The following MAP3K5 variants were observed in gnomAD, a reference collection of about 807,000 sequenced individuals.
MAP3K5 encodes the protein mitogen-activated protein kinase kinase kinase 5.
Under a neutral mutation model 158.7 loss-of-function variants are expected in MAP3K5, and 56 were observed. The observed-to-expected ratio is 0.35, with a 90% confidence interval of 0.28 to 0.44. The LOEUF is 0.44. Ranked by LOEUF, MAP3K5 falls within the 20% of genes least tolerant of loss-of-function variation. MAP3K5 has a pLI of 1.00. For missense variants in MAP3K5, 1,294 were observed against 1,674.8 expected (o/e 0.77, Z 3.97); for synonymous variants, 579 against 601.7 (o/e 0.96, Z 0.55).
At chr6:136,647,553 ATTC>A in intron 11 of MAP3K5, among the ~76,000 whole-genome samples, 1 of 152,172 alleles carries the variant, frequency 6.6e-6, no homozygotes, top group South Asian at 2.1e-4. Context: ...CATGTTTAAA[ATTC>A]TTCTTCCTAG....
chr6:136,764,661 C>A (rs749379232), intron 1 of MAP3K5, among the ~76,000 whole-genome samples: 3 of 152,128 alleles, frequency 2.0e-5, no homozygotes, highest in African/African-American at 2.4e-5. Flanking sequence ...TGTGGTTATG[C>A]CGCAACAGAA....
intron 2 of MAP3K5, among the ~76,000 whole-genome samples, chr6:136,708,533 G>C (rs1781172247): frequency 6.6e-6 from 1 of 152,138 alleles, no homozygotes; most frequent in South Asian, 2.1e-4. Flanking sequence ...TAGGATTACA[G>C]GTGTGAGCCA....
intron 3 of MAP3K5, among the ~76,000 whole-genome samples, chr6:136,703,898 T>G (rs1780959221): frequency 6.6e-6 from 1 of 152,232 alleles, no homozygotes; most frequent in Non-Finnish European, 1.5e-5. Flanking sequence ...TTATAATATA[T>G]TGTATATTAT....
intron 1 of MAP3K5, among the ~76,000 whole-genome samples, chr6:136,760,922 T>C (rs1350089550): frequency 6.6e-6 from 1 of 152,126 alleles, no homozygotes; most frequent in Non-Finnish European, 1.5e-5. Flanking sequence ...TGAGCTGAGA[T>C]TGCACCACTG....
At chr6:136,662,556 C>T (rs750243283) in intron 8 of MAP3K5, among the ~76,000 whole-genome samples, 69 of 151,864 alleles carry the variant, frequency 4.5e-4, no homozygotes, top group Non-Finnish European at 8.7e-4. Context: ...TCTCTCTCTT[C>T]CTTTCTCTCT....
intron 11 of MAP3K5, among the ~76,000 whole-genome samples, chr6:136,648,510 T>G (rs1357062658): frequency 1.3e-5 from 2 of 152,186 alleles, no homozygotes; most frequent in African/African-American, 2.4e-5. Context: ...AGCATGAGAA[T>G]GGATGTTTTT....
chr6:136,592,585 G>C lies in MAP3K5; in HGVS notation c.2908C>G (p.Pro970Ala). The C allele has an allele frequency of 1.2e-6, 2 of 1,613,922 alleles. No individual in the cohort carries two copies. The highest frequency in any genetic ancestry group is 1.7e-6 in the Non-Finnish European group (2 of 1,179,986). The change falls in exon 22 of 30, where the codon CCT becomes GCT. Residue 970 changes from proline to alanine, a missense_variant. Pro to Ala is a conservative substitution (Grantham distance 27, BLOSUM62 -1). Around this residue, in one of 5 missense-constraint regions of MAP3K5, gnomAD observed 362 missense variants for 463.2 expected, o/e 0.78. Coordinates refer to ENST00000359015, the MANE Select transcript of MAP3K5 (RefSeq NM_005923.4). The stretch of plus-strand genomic sequence containing the variant: ...CTGCTGGTGTCCTCCACCAGCACAG[G>C]TACCGGCAAGGATATACTCCTGAGA... ...EYLRSISLPV[P>A]VLVEDTSSSS...
chr6:136,589,143 G>A (rs1328129215), intron 23 of MAP3K5, among the ~76,000 whole-genome samples: 2 of 152,228 alleles, frequency 1.3e-5, no homozygotes, highest in Non-Finnish European at 2.9e-5. Flanking sequence ...CCAAGAGAGA[G>A]CTTTGCTCCA....
rs114489274 is a variant in MAP3K5, at chr6:136,792,110, G to A, written c.48C>T (p.Phe16=). 6.3e-7 allele frequency: 1 copy of A among 1,586,778 alleles called. No individual in the cohort carries two copies. The change falls in exon 1 of 30, where the codon TTC becomes TTT. Residue 16 remains phenylalanine (F), a synonymous_variant. Coordinates refer to ENST00000359015, the MANE Select transcript of MAP3K5 (RefSeq NM_005923.4). The surrounding 1 kb of genome is among the most constrained non-coding windows in gnomAD (Gnocchi z 5.7). ...GGATGGTGCAGAAGCCCGAGGGGGC[G>A]AAGGGTGGCACAGAGAAAGTGATGC... The part of the protein sequence containing the change: ...DEGITFSVPP[F]APSGFCTIPE...
chr6:136,645,468 G>A (rs950862139), intron 11 of MAP3K5, among the ~76,000 whole-genome samples: 19 of 152,100 alleles, frequency 1.2e-4, no homozygotes, highest in Non-Finnish European at 2.6e-4. Flanking sequence ...GCCTTTGCTT[G>A]ATAATCCGTG....
rs190938945 is a variant in MAP3K5, at chr6:136,788,310, C to T, written c.448+3400G>A. ...GGATTAAGGTTTAAATGTAAGACCT[C>T]AAACCATAAGAGTCCTAGAAGAAAG... On this transcript the variant is annotated intron_variant, in intron 1 of 29. Coordinates refer to ENST00000359015, the MANE Select transcript of MAP3K5 (RefSeq NM_005923.4). Among the ~76,000 whole-genome samples the T allele has an allele frequency of 3.0e-3, 455 of 152,248 alleles. 1 individual carries two copies. The highest frequency in any genetic ancestry group is 0.01 in the African/African-American group (430 of 41,544).
At chr6:136,573,796 C>A (rs1181403944) in intron 25 of MAP3K5, among the ~76,000 whole-genome samples, 1 of 152,120 alleles carries the variant, frequency 6.6e-6, no homozygotes, top group East Asian at 1.9e-4. Context: ...GGCCTTAAAG[C>A]CCATGAGTGG....
chr6:136,767,836 A>C (rs1784027460), intron 1 of MAP3K5, among the ~76,000 whole-genome samples: 1 of 152,254 alleles, frequency 6.6e-6, no homozygotes, highest in African/African-American at 2.4e-5. Flanking sequence ...CATAAGGACA[A>C]AAACATAGAT....
chr6:136,683,633 A>G (rs1182612252), intron 7 of MAP3K5, among the ~76,000 whole-genome samples: 5 of 152,198 alleles, frequency 3.3e-5, no homozygotes, highest in Admixed American at 1.3e-4. Context: ...CATCTACGCA[A>G]GTGTTAATTT....
chr6:136,750,177 G>C (rs751846676), intron 1 of MAP3K5, among the ~76,000 whole-genome samples: 1 of 152,062 alleles, frequency 6.6e-6, no homozygotes, highest in African/African-American at 2.4e-5. Context: ...TCCTAGGTTC[G>C]AGCAATTCTC....
chr6:136,680,901 C>T (rs566713954), intron 7 of MAP3K5, among the ~76,000 whole-genome samples: 1 of 151,962 alleles, frequency 6.6e-6, no homozygotes, highest in South Asian at 2.1e-4. Flanking sequence ...AGGGGCGGGG[C>T]TGGGGGTGTA....
chr6:136,676,359 C>G (rs1779702142), intron 7 of MAP3K5, among the ~76,000 whole-genome samples: 1 of 152,178 alleles, frequency 6.6e-6, no homozygotes, highest in Non-Finnish European at 1.5e-5. Flanking sequence ...CTTCAGTGAT[C>G]TAAACTCTGA....
chr6:136,672,559 T>C (rs2114543244), intron 7 of MAP3K5, among the ~76,000 whole-genome samples: 1 of 152,266 alleles, frequency 6.6e-6, no homozygotes, highest in East Asian at 1.9e-4. Flanking sequence ...TCACAGGACA[T>C]TCGTTGAATG....
chr6:136,629,509 C>T (rs1777213992), intron 14 of MAP3K5, among the ~76,000 whole-genome samples: 1 of 151,570 alleles, frequency 6.6e-6, no homozygotes. Flanking sequence ...GGCTGGAGTG[C>T]AGTGGCACAA....
Sources: gnomAD v4.1 joint callset for allele counts (sites outside exome capture counted in the v4.1 genomes callset) on GRCh38, gnomAD v4.1.1 for gene constraint, gnomAD v4.1.1 regional missense constraint, Gnocchi (gnomAD v3.1) non-coding constraint, MANE v1.5 for transcripts, NCBI Gene and HGNC (gene_info 2026-07-23, HGNC 2026-07-21) for gene names.